Variants in INTS11 observed in about 807,000 individuals in gnomAD.
The protein encoded by INTS11 is CPSF3-like protein.
Under a neutral mutation model 78.6 loss-of-function variants are expected in INTS11, and 77 were observed. The ratio of observed to expected loss-of-function variants is 0.98; its 90% CI spans 0.81 to 1.18. The LOEUF is 1.18. INTS11 is among the 50% of genes most tolerant of loss of function. The pLI, the probability that INTS11 is intolerant of heterozygous loss-of-function variation, is 0.00. For missense variants in INTS11, 875 were observed against 825.9 expected (o/e 1.06, Z -0.73); for synonymous variants, 441 against 326.9 (o/e 1.35, Z -3.77).
Position 1,312,213 on chromosome 1 carries a change from G to GGGGCCCCCCCC in INTS11, c.1607+12_1607+13insGGGGGGGGCCC. 1 of 934,600 alleles carries GGGGCCCCCCCC rather than the reference G, an allele frequency of 1.1e-6. No individual in the cohort carries two copies. 57.9% of individuals were successfully genotyped at this position (934,600 alleles called of 1,614,324 possible). On this transcript the variant is annotated intron_variant, in intron 15 of 16. Transcript: ENST00000435064. ...CCCAAGGGAGTGGGGGGGGGGCGGG[G>GGGGCCCCCCCC]CCGGGCGCCCACCTCTTGAGGTGGC...
At chr1:1,316,976 C>T (rs985931739) in intron 4 of INTS11, 2 of 151,988 alleles carry the variant, frequency 1.3e-5, no homozygotes, top group Non-Finnish European at 2.9e-5. Flanking sequence ...GTCACCCAGG[C>T]TGCAGTGGCG....
intron 4 of INTS11, chr1:1,319,082 C>G: frequency 1.4e-6 from 1 of 727,484 alleles, no homozygotes; most frequent in Non-Finnish European, 2.6e-6. Flanking sequence ...CCCCACCCTG[C>G]ACGTGCTCTC....
Position 1,312,155 on chromosome 1 carries a change from G to T in INTS11, c.1608-8C>A. The T allele has an allele frequency of 2.6e-6, 4 of 1,518,156 alleles. No individual in the cohort carries two copies. Among genetic ancestry groups the T allele is most frequent in the Non-Finnish European group, 3.5e-6 (4 of 1,131,464 alleles). 94.0% of individuals were successfully genotyped at this position (1,518,156 alleles called of 1,614,324 possible). A position where few individuals can be genotyped will look rare whatever the true frequency, so the allele number is the denominator to read the frequency against. ...CAGTGGTCCTTCAGGACGCTGTGGGGAGGCTCGGTGAGACCCTGCCTGGCC... is the reference window on the plus strand; with the variant it reads ...CAGTGGTCCTTCAGGACGCTGTGGGTAGGCTCGGTGAGACCCTGCCTGGCC... On this transcript the variant is annotated splice_polypyrimidine_tract_variant and splice_region_variant and intron_variant, in intron 15 of 16. Coordinates refer to ENST00000435064, the MANE Select transcript of INTS11 (RefSeq NM_017871.6).
chr1:1,320,743 G>A (rs1642897018), intron 2 of INTS11: 2 of 717,484 alleles, frequency 2.8e-6, no homozygotes, highest in Admixed American at 2.0e-5. Context: ...ATGTGAGCTG[G>A]AAGCTGAGCC....
intron 4 of INTS11, among the ~76,000 whole-genome samples, chr1:1,318,150 G>A (rs906109215): frequency 3.9e-5 from 6 of 152,132 alleles, no homozygotes; most frequent in African/African-American, 1.4e-4. Context: ...GATTACAGGC[G>A]TGAGCCACCG....
chr1:1,317,744 G>A (rs1031946170), intron 4 of INTS11: 1 of 152,144 alleles, frequency 6.6e-6, no homozygotes, highest in African/African-American at 2.4e-5. Flanking sequence ...CATGCCCAGA[G>A]ACAGAACGTT....
Position 1,318,621 on chromosome 1 carries a change from G to C in INTS11, c.429+675C>G, listed in dbSNP as rs190286788. 6.0e-4 allele frequency: 229 copies of C among 382,998 alleles called. 1 individual carries two copies. In the Middle Eastern group the frequency reaches 0.012, roughly 20 times the overall value. The allele number at this position is 382,998 out of a possible 1,614,324, so 23.7% of individuals were successfully genotyped here. A position where few individuals can be genotyped will look rare whatever the true frequency, so the allele number is the denominator to read the frequency against. ...TGCAGTGAGCCAAGATCACACTCCA[G>C]CCTGGGTAACAAAGTGAGACACTGT... On this transcript the variant is annotated intron_variant, in intron 4 of 16. Transcript: ENST00000435064.
At position 1,314,067 on chromosome 1, in the gene INTS11, G is replaced by C; in HGVS notation, c.768-146C>G. ...CAGTCGCGACCACTTGTCCCATTAA[G>C]CCCTGCAGCAGCCGGGCTCAGCGGA... On this transcript the variant is annotated intron_variant, in intron 8 of 16. Coordinates refer to ENST00000435064, the MANE Select transcript of INTS11 (RefSeq NM_017871.6). The surrounding 1 kb of genome is among the most constrained non-coding windows in gnomAD (Gnocchi z 4.2). 1 of 858,566 alleles carries C rather than the reference G, an allele frequency of 1.2e-6. No homozygotes were observed. Among genetic ancestry groups the C allele is most frequent in the South Asian group, 1.6e-5 (1 of 60,960 alleles). The allele number at this position is 858,566 out of a possible 1,614,324, so 53.2% of individuals were successfully genotyped here. A position where few individuals can be genotyped will look rare whatever the true frequency, so the allele number is the denominator to read the frequency against.
intron 4 of INTS11, 60 bp from the exon 5 acceptor site, chr1:1,315,678 G>C (rs1642538660): frequency 9.5e-7 from 1 of 1,054,036 alleles, no homozygotes; most frequent in African/African-American, 1.7e-5. Context: ...GGGGAGTGAG[G>C]GAGGCGGGGG....
In INTS11 at chr1:1,311,654, G is replaced by C. The variant is rs574795982; in HGVS notation, c.*205C>G. ...TGTCTAGGACCACCTGCCCTAACCAGGAATAAAGGCAAGACAGCCTGGAGA... is the reference window on the plus strand; with the variant it reads ...TGTCTAGGACCACCTGCCCTAACCACGAATAAAGGCAAGACAGCCTGGAGA... On this transcript the variant is annotated 3_prime_UTR_variant, in exon 17 of 17. Transcript: ENST00000435064. The C allele has an allele frequency of 1.4e-6, 1 of 713,460 alleles. No individual in the cohort carries two copies. Among genetic ancestry groups the C allele is most frequent in the South Asian group, 1.5e-5 (1 of 65,852 alleles). 44.2% of individuals were successfully genotyped at this position (713,460 alleles called of 1,614,324 possible). A position where few individuals can be genotyped will look rare whatever the true frequency, so the allele number is the denominator to read the frequency against.
At chr1:1,321,166 AC>A in intron 1 of INTS11, 73 bp from the exon 2 acceptor site, 1 of 1,200,064 alleles carries the variant, frequency 8.3e-7, no homozygotes, top group Non-Finnish European at 1.2e-6. Context: ...GCTCTGCAGG[AC>A]CCCAGTGCAC....
At chr1:1,322,275 T>A (rs543433613) in intron 1 of INTS11, among the ~76,000 whole-genome samples, 1 of 151,120 alleles carries the variant, frequency 6.6e-6, no homozygotes, top group Admixed American at 6.6e-5. Flanking sequence ...CAGTCCCGCC[T>A]CCCGACAGGA....
chr1:1,312,728 A>G, intron 12 of INTS11, 28 bp from the exon 13 acceptor site: 2 of 1,590,352 alleles, frequency 1.3e-6, no homozygotes, highest in South Asian at 1.1e-5. Flanking sequence ...AGAGAGCCTC[A>G]GCCCAGGCTG....
At chr1:1,324,262 G>T (rs1025594243) in intron 1 of INTS11, among the ~76,000 whole-genome samples, 2 of 152,028 alleles carry the variant, frequency 1.3e-5, no homozygotes, top group African/African-American at 2.4e-5. Context: ...TAGGGCTGGA[G>T]GCGGCAGCGC....
In INTS11 at chr1:1,315,521, G is replaced by C. The variant is rs750487487; in HGVS notation, c.527C>G (p.Thr176Arg). 5.6e-6 allele frequency: 9 copies of C among 1,612,544 alleles called. No homozygotes were observed. Among genetic ancestry groups the C allele is most frequent in the Non-Finnish European group, 7.6e-6 (9 of 1,179,638 alleles). Residue 176 changes from threonine to arginine, a missense_variant and splice_region_variant, in exon 5 of 17, where the codon ACG (threonine) becomes AGG (arginine). Physicochemically the swap from Thr to Arg is moderately conservative, Grantham distance 71. Coordinates refer to ENST00000435064, the MANE Select transcript of INTS11 (RefSeq NM_017871.6). ...CAAGCCTCAAGCCCTTCCACTGACCGTGTAGACCACAGACTCTGAGCCCAC... is the reference window on the plus strand; with the variant it reads ...CAAGCCTCAAGCCCTTCCACTGACCCTGTAGACCACAGACTCTGAGCCCAC... ...IKVGSESVVY[T>R]GDYNMTPDRH...
In INTS11 at chr1:1,312,587, G is replaced by A. The variant is rs570814800; in HGVS notation, c.1402+6C>T. On this transcript the variant is annotated splice_donor_region_variant and intron_variant, in intron 13 of 16. Coordinates refer to ENST00000435064, the MANE Select transcript of INTS11 (RefSeq NM_017871.6). ...CACCCTGCCCTGCCCTGCCCAGCCC[G>A]CATACCCTGCGCCATCTCCCGCTTC... 1.4e-5 allele frequency: 22 copies of A among 1,570,898 alleles called. 1 individual carries two copies. Among genetic ancestry groups the A allele is most frequent in the Middle Eastern group, 1.7e-4 (1 of 5,790 alleles).
chr1:1,320,524 G>A lies in INTS11; in HGVS notation c.132C>T (p.Arg44=), dbSNP rs887638403. Residue 44 remains arginine, a synonymous_variant, in exon 3 of 17, where the codon CGC becomes CGT. Coordinates refer to ENST00000435064, the MANE Select transcript of INTS11 (RefSeq NM_017871.6). The part of the protein sequence containing the change: ...GMHMGFNDDR[R]FPDFSYITQN... ...GGGTGATGTAGGAGAAGTCAGGGAA[G>A]CGTCGCTAGGAAGGATGTGGGGGTT... The A allele has an allele frequency of 6.2e-7, 1 of 1,613,912 alleles. No homozygotes were observed. Among genetic ancestry groups the A allele is most frequent in the Non-Finnish European group, 8.5e-7 (1 of 1,179,946 alleles).
At chr1:1,320,292 G>T in intron 3 of INTS11, 164 bp downstream of exon 3, 1 of 676,342 alleles carries the variant, frequency 1.5e-6, no homozygotes, top group Non-Finnish European at 2.6e-6. Context: ...CAGGCCATGT[G>T]TGTGACCAGT....
intron 1 of INTS11, among the ~76,000 whole-genome samples, chr1:1,323,642 C>T (rs1643099250): frequency 1.3e-5 from 2 of 151,282 alleles, no homozygotes; most frequent in African/African-American, 4.9e-5. Context: ...AACTCCTGGG[C>T]TCAAGCGATC....
Sources: allele counts gnomAD v4.1 joint callset (sites outside exome capture counted in the v4.1 genomes callset), GRCh38; gene constraint gnomAD v4.1.1; non-coding constraint Gnocchi (gnomAD v3.1); transcripts MANE v1.5; gene names NCBI Gene and HGNC (gene_info 2026-07-23, HGNC 2026-07-21).